Variants in COL5A2 observed in about 807,000 individuals in gnomAD.
COL5A2 encodes the protein collagen type V alpha 2 chain.
Under a neutral mutation model 208.2 loss-of-function variants are expected in COL5A2, and 23 were observed. That is an observed-to-expected ratio of 0.11 (90% CI 0.08 to 0.16). The LOEUF is 0.16. Ranked by LOEUF, COL5A2 falls within the 10% of genes least tolerant of loss-of-function variation. The pLI, the probability that COL5A2 is intolerant of heterozygous loss-of-function variation, is 1.00. For synonymous variants in COL5A2, 625 were observed against 628.5 expected, an observed-to-expected ratio of 0.99 and a Z score of 0.08; for missense variants, 1,590 against 1,956.4, an observed-to-expected ratio of 0.81 and a Z score of 3.53.
the COL5A2 span, among the ~76,000 whole-genome samples, chr2:189,308,997 GT>G: frequency 6.6e-6 from 1 of 151,984 alleles, no homozygotes; most frequent in African/African-American, 2.4e-5. Flanking sequence ...GATTCTTTTT[GT>G]CAACAGTATG....
the COL5A2 span, among the ~76,000 whole-genome samples, chr2:189,405,175 A>G: frequency 2.6e-5 from 4 of 152,106 alleles, no homozygotes; most frequent in Non-Finnish European, 2.9e-5. Flanking sequence ...TTGAATGAAA[A>G]TAAATAAACA....
intron 1 of COL5A2, among the ~76,000 whole-genome samples, chr2:189,190,720 G>A (rs572019508): frequency 1.3e-5 from 2 of 152,316 alleles, no homozygotes; most frequent in African/African-American, 2.4e-5. Context: ...CCTAATGCAT[G>A]AGCATCAGTC....
the COL5A2 span, among the ~76,000 whole-genome samples, chr2:189,250,823 G>A: frequency 6.6e-6 from 1 of 151,964 alleles, no homozygotes; most frequent in Admixed American, 6.6e-5. Context: ...CTCCCCCATA[G>A]AGCTACCATA....
intron 12 of COL5A2, among the ~76,000 whole-genome samples, chr2:189,082,690 T>A (rs1046273898): frequency 3.9e-5 from 6 of 152,356 alleles, no homozygotes; most frequent in Non-Finnish European, 5.9e-5. Flanking sequence ...GACCCAGGAC[T>A]GTCATTACAG....
the COL5A2 span, among the ~76,000 whole-genome samples, chr2:189,360,890 T>C: frequency 6.6e-6 from 1 of 152,152 alleles, no homozygotes; most frequent in Non-Finnish European, 1.5e-5. Flanking sequence ...TGTTCTTTTG[T>C]TAGTTTGCTG....
At chr2:189,145,317 T>C (rs1380569409) in intron 1 of COL5A2, among the ~76,000 whole-genome samples, 4 of 152,160 alleles carry the variant, frequency 2.6e-5, no homozygotes, top group Non-Finnish European at 4.4e-5. Context: ...CTTGACCATC[T>C]CTTTCTTCTT....
intron 45 of COL5A2, 64 bp downstream of exon 45, chr2:189,048,145 G>T: frequency 6.8e-7 from 1 of 1,470,502 alleles, no homozygotes; most frequent in Non-Finnish European, 9.5e-7. Flanking sequence ...AGTTTTTAGT[G>T]TAAATTAAAA....
At chr2:189,277,180 T>C in the COL5A2 span, among the ~76,000 whole-genome samples, 2 of 152,162 alleles carry the variant, frequency 1.3e-5, no homozygotes, top group Admixed American at 1.3e-4. Flanking sequence ...CTATACTAAG[T>C]GATGAATAAA....
chr2:189,311,601 C>G, the COL5A2 span: 1 of 1,093,154 alleles, frequency 9.1e-7, no homozygotes, highest in Non-Finnish European at 1.4e-6. Flanking sequence ...TCCAAGCTGG[C>G]CTTCAGATTT....
chr2:189,418,478 T>G, the COL5A2 span, among the ~76,000 whole-genome samples: 2 of 152,220 alleles, frequency 1.3e-5, no homozygotes, highest in Non-Finnish European at 2.9e-5. Flanking sequence ...TATCTGCTTT[T>G]GCTGAGTATA....
At chr2:189,314,379 C>T in the COL5A2 span, among the ~76,000 whole-genome samples, 826 of 152,144 alleles carry the variant, frequency 5.4e-3, 7 homozygotes, top group Admixed American at 8.9e-3. Context: ...ATCAACAAGT[C>T]CTTTGAAACT....
intron 1 of COL5A2, among the ~76,000 whole-genome samples, chr2:189,172,693 C>T (rs969110047): frequency 2.0e-5 from 3 of 152,028 alleles, no homozygotes; most frequent in Admixed American, 6.6e-5. Flanking sequence ...TAGACTACAA[C>T]GAGGCTATGA....
At chr2:189,359,547 G>T in the COL5A2 span, among the ~76,000 whole-genome samples, 1 of 152,132 alleles carries the variant, frequency 6.6e-6, no homozygotes, top group African/African-American at 2.4e-5. Context: ...GTGCGTCCTT[G>T]TCTGGTTTTG....
At chr2:189,308,114 G>GGTGTGGGT in the COL5A2 span, among the ~76,000 whole-genome samples, 2,241 of 152,144 alleles carry the variant, frequency 0.015, 55 homozygotes, top group African/African-American at 0.051. Context: ...AATAAACTGG[G>GGTGTGGGT]GTGTGGGTGT....
the COL5A2 span, among the ~76,000 whole-genome samples, chr2:189,331,333 A>G: frequency 1.2e-4 from 19 of 152,282 alleles, no homozygotes; most frequent in Non-Finnish European, 2.4e-4. Context: ...GATTGAGACC[A>G]TCCTGGTCAA....
chr2:189,418,509 G>T, the COL5A2 span, among the ~76,000 whole-genome samples: 6 of 152,142 alleles, frequency 3.9e-5, no homozygotes, highest in African/African-American at 1.4e-4. Context: ...TATAAGTTCA[G>T]GAACTGAGAA....
the COL5A2 span, among the ~76,000 whole-genome samples, chr2:189,343,414 A>G: frequency 6.6e-6 from 1 of 152,078 alleles, no homozygotes. Flanking sequence ...AGTATTTTAT[A>G]TTTGAGAACA....
the COL5A2 span, among the ~76,000 whole-genome samples, chr2:189,283,242 A>G: frequency 6.6e-6 from 1 of 152,020 alleles, no homozygotes; most frequent in Admixed American, 6.6e-5. Context: ...AGGGGGAGAA[A>G]AAAGGGAAGA....
At chr2:189,051,511 A>G in intron 41 of COL5A2, 30 bp from the exon 42 acceptor site, 1 of 1,583,750 alleles carries the variant, frequency 6.3e-7, no homozygotes. Flanking sequence ...AACACCAAGG[A>G]GGGCAAAATG....
Sources: gnomAD v4.1 joint callset for allele counts (sites outside exome capture counted in the v4.1 genomes callset) on GRCh38, gnomAD v4.1.1 for gene constraint, MANE v1.5 for transcripts, NCBI Gene and HGNC (gene_info 2026-07-23, HGNC 2026-07-21) for gene names.